The following TMEM108 variants were observed in gnomAD, a reference collection of about 807,000 sequenced individuals.
TMEM108 encodes transmembrane protein 108.
A neutral mutation model predicts 35.1 loss-of-function variants in TMEM108; 12 were observed. That is an observed-to-expected ratio of 0.34 (90% confidence interval 0.22 to 0.55). TMEM108 has a LOEUF of 0.55. Ranked by LOEUF, TMEM108 falls within the 20% of genes least tolerant of loss-of-function variation. The pLI, the probability that TMEM108 is intolerant of heterozygous loss-of-function variation, is 0.89. For missense variants in TMEM108, 680 were observed against 753.3 expected (o/e 0.90, Z 1.14); for synonymous variants, 287 against 308.6 (o/e 0.93, Z 0.73).
intron 1 of TMEM108, 35 bp downstream of exon 1, chr3:133,038,470 C>T (rs953031018): frequency 6.6e-6 from 1 of 152,384 alleles, no homozygotes; most frequent in Non-Finnish European, 1.5e-5. Flanking sequence ...CCCAGTCCTT[C>T]CCATGCTGGG....
chr3:133,243,584 G>C (rs929120439), intron 3 of TMEM108, among the ~76,000 whole-genome samples: 1 of 151,968 alleles, frequency 6.6e-6, no homozygotes, highest in African/African-American at 2.4e-5. Flanking sequence ...AGAGTGGCGC[G>C]ATCTCGGCTC....
At position 133,332,348 on chromosome 3, in the gene TMEM108, G is replaced by T. The variant is rs190522915; in HGVS notation, c.41-47404G>T. On this transcript the variant is annotated intron_variant, in intron 3 of 5. Coordinates refer to ENST00000321871, the MANE Select transcript of TMEM108 (RefSeq NM_023943.4). ...AGGTGTCCAATTTGCCACTGGAACA[G>T]CCACTCCTCATATTAGGAAGGACAG... Among the ~76,000 whole-genome samples the T allele has an allele frequency of 3.3e-5, 5 of 152,314 alleles. No individual in the cohort carries two copies. In the East Asian group the frequency reaches 7.7e-4, roughly 23 times the overall value.
At chr3:133,218,407 T>C (rs1451207970) in intron 2 of TMEM108, among the ~76,000 whole-genome samples, 1 of 152,042 alleles carries the variant, frequency 6.6e-6, no homozygotes, top group Non-Finnish European at 1.5e-5. Flanking sequence ...TTCTCTTGCC[T>C]AACTGCTTTG....
chr3:133,330,265 A>G (rs1576459272), intron 3 of TMEM108, among the ~76,000 whole-genome samples: 3 of 152,180 alleles, frequency 2.0e-5, no homozygotes, highest in East Asian at 1.9e-4. Flanking sequence ...GCCAGTTGCT[A>G]TGGAGAGCAG....
At chr3:133,211,482 C>T (rs1025399192) in intron 2 of TMEM108, among the ~76,000 whole-genome samples, 7 of 152,172 alleles carry the variant, frequency 4.6e-5, no homozygotes, top group African/African-American at 1.7e-4. Context: ...TAGTATTTGG[C>T]ATCTCTACAA....
intron 3 of TMEM108, among the ~76,000 whole-genome samples, chr3:133,318,309 G>A (rs1343352368): frequency 6.6e-6 from 1 of 152,192 alleles, no homozygotes; most frequent in African/African-American, 2.4e-5. Context: ...CAGCATAGGG[G>A]AGGAAAAATG....
At chr3:133,090,792 A>T (rs532931081) in intron 2 of TMEM108, among the ~76,000 whole-genome samples, 1 of 152,294 alleles carries the variant, frequency 6.6e-6, no homozygotes, top group South Asian at 2.1e-4. Flanking sequence ...TTAAGGACAT[A>T]TATCTTACAT....
At chr3:133,333,657 G>T (rs2071431574) in intron 3 of TMEM108, among the ~76,000 whole-genome samples, 1 of 152,202 alleles carries the variant, frequency 6.6e-6, no homozygotes, top group South Asian at 2.1e-4. Flanking sequence ...AAAGGCTTAA[G>T]AGTTGAAATA....
chr3:133,094,241 CA>C (rs1943985302), intron 2 of TMEM108, among the ~76,000 whole-genome samples: 1 of 127,702 alleles, frequency 7.8e-6, no homozygotes, highest in Non-Finnish European at 1.7e-5. Flanking sequence ...CCACCCCCCC[CA>C]CACACACGAG....
intron 2 of TMEM108, among the ~76,000 whole-genome samples, chr3:133,154,482 C>G (rs1360130354): frequency 6.6e-6 from 1 of 152,056 alleles, no homozygotes; most frequent in African/African-American, 2.4e-5. Context: ...CAACGATAGA[C>G]TGGATTAAGA....
intron 3 of TMEM108, among the ~76,000 whole-genome samples, chr3:133,309,740 G>A (rs201461735): frequency 2.6e-5 from 3 of 114,624 alleles, no homozygotes; most frequent in African/African-American, 3.4e-5. Flanking sequence ...TCGCTCTGTC[G>A]CCCAGGCTGG....
chr3:133,211,285 G>A lies in TMEM108; in HGVS notation c.-46-17981G>A, dbSNP rs149805752. On this transcript the variant is annotated intron_variant, in intron 2 of 5. Transcript: ENST00000321871. ...CTCCCTTTCTACTGTAAAAACATCA[G>A]CACATCTTTCAGGAAAATTGACTGC... Among the ~76,000 whole-genome samples, 1,287 of 152,124 alleles carry A rather than the reference G, an allele frequency of 8.5e-3. 13 individuals carry two copies. The highest frequency in any genetic ancestry group is 0.012 in the Admixed American group (180 of 15,264).
chr3:133,288,721 A>G (rs1947020265), intron 3 of TMEM108, among the ~76,000 whole-genome samples: 1 of 152,176 alleles, frequency 6.6e-6, no homozygotes, highest in Non-Finnish European at 1.5e-5. Context: ...TAATTCATTA[A>G]GAGGTATTTT....
chr3:133,390,177 T>A lies in TMEM108; in HGVS notation c.1451-3T>A. On this transcript the variant is annotated splice_polypyrimidine_tract_variant and splice_region_variant and intron_variant, in intron 4 of 5. Transcript: ENST00000321871. ...TCCTCTCTGACTTGCACTCTCTCCATAGCTGTCCTGCTGACGGTGTGCTGC... is the reference window on the plus strand; with the variant it reads ...TCCTCTCTGACTTGCACTCTCTCCAAAGCTGTCCTGCTGACGGTGTGCTGC... The A allele has an allele frequency of 6.2e-7, 1 of 1,614,110 alleles. No homozygotes were observed. The highest frequency in any genetic ancestry group is 1.7e-5 in the Admixed American group (1 of 60,028).
rs56983894 is a variant in TMEM108 at position 133,057,435 on chromosome 3, GTATATATATATATA to G, written c.-47+11453_-47+11466del. ...TGGGCTATTAGTTGTGTGTGTGTGTGTATATATATATATATATATATATATATATATATATATAT... is the reference window on the plus strand; with the variant it reads ...TGGGCTATTAGTTGTGTGTGTGTGTGTATATATATATATATATATATATAT... On this transcript the variant is annotated intron_variant, in intron 2 of 5. Transcript: ENST00000321871. Among the ~76,000 whole-genome samples, 163 of 45,710 alleles carry G rather than the reference GTATATATATATATA, an allele frequency of 3.6e-3. 2 individuals carry two copies. Among genetic ancestry groups the G allele is most frequent in the South Asian group, 0.013 (14 of 1,054 alleles). 30.0% of individuals were successfully genotyped at this position (45,710 alleles called of 152,430 possible). A position where few individuals can be genotyped will look rare whatever the true frequency, so the allele number is the denominator to read the frequency against.
At chr3:133,131,023 T>C (rs1479255646) in intron 2 of TMEM108, among the ~76,000 whole-genome samples, 2 of 152,212 alleles carry the variant, frequency 1.3e-5, no homozygotes, top group African/African-American at 4.8e-5. Context: ...TTTTTCATCA[T>C]TTTTGAGCTG....
intron 3 of TMEM108, among the ~76,000 whole-genome samples, chr3:133,284,431 C>A (rs1379506029): frequency 2.0e-5 from 3 of 152,200 alleles, no homozygotes; most frequent in South Asian, 2.1e-4. Context: ...GGGGGCCTAC[C>A]TCTCTCAGGC....
intron 3 of TMEM108, among the ~76,000 whole-genome samples, chr3:133,263,294 A>G (rs754360862): frequency 1.3e-5 from 2 of 152,374 alleles, no homozygotes; most frequent in South Asian, 4.1e-4. Context: ...AGCAAAGAAC[A>G]TGCCATCTGA....
chr3:133,176,689 G>A (rs1945236003), intron 2 of TMEM108, among the ~76,000 whole-genome samples: 1 of 150,044 alleles, frequency 6.7e-6, no homozygotes, highest in African/African-American at 2.4e-5. Flanking sequence ...GAAATGTATA[G>A]CACTAAATGC....
Sources: gnomAD v4.1 joint callset for allele counts (sites outside exome capture counted in the v4.1 genomes callset) on GRCh38, gnomAD v4.1.1 for gene constraint, MANE v1.5 for transcripts, NCBI Gene and HGNC (gene_info 2026-07-23, HGNC 2026-07-21) for gene names.